NFIA: variants seen among roughly 807,000 people sequenced by gnomAD.
The protein encoded by NFIA is nuclear factor I A.
In NFIA, 8 loss-of-function variants were observed where a neutral mutation model predicts 62.8. That is an observed-to-expected ratio of 0.13 (90% CI 0.07 to 0.23). The LOEUF is 0.23. NFIA is among the 10% of genes least tolerant of loss of function. The pLI is 1.00. For missense variants in NFIA, 410 were observed against 642.1 expected, an observed-to-expected ratio of 0.64 and a Z score of 3.91; for synonymous variants, 235 against 238.1, an observed-to-expected ratio of 0.99 and a Z score of 0.12.
rs138132492 is a variant in NFIA, at chr1:61,406,639, G to A, written c.1332G>A (p.Pro444=). ...TGTTGCCACCGCCACCGCCACCACC[G>A]ATGGCCAGGCCTGTGCCTCTGCCGG... The part of the protein sequence containing the change: ...TPMLPPPPPP[P]MARPVPLPVP... Residue 444 remains proline (P), a synonymous_variant, in exon 9 of 11, where the codon CCG becomes CCA. Coordinates refer to ENST00000403491, the MANE Select transcript of NFIA (RefSeq NM_001134673.4). 146 of 1,398,024 alleles carry A rather than the reference G, an allele frequency of 1.0e-4. No individual in the cohort carries two copies. Among genetic ancestry groups the A allele is most frequent in the African/African-American group, 6.9e-4 (44 of 63,778 alleles). The allele number at this position is 1,398,024 out of a possible 1,614,324, so 86.6% of individuals were successfully genotyped here. A position where few individuals can be genotyped will look rare whatever the true frequency, so the allele number is the denominator to read the frequency against.
At chr1:61,229,028 A>G (rs1654503696) in intron 2 of NFIA, among the ~76,000 whole-genome samples, 2 of 152,138 alleles carry the variant, frequency 1.3e-5, no homozygotes, top group African/African-American at 4.8e-5. Context: ...ATGCAAATAT[A>G]TTGCCCAAAA....
chr1:61,203,967 T>A (rs912011269), intron 2 of NFIA, among the ~76,000 whole-genome samples: 19 of 152,190 alleles, frequency 1.2e-4, no homozygotes, highest in African/African-American at 3.9e-4. Flanking sequence ...TTTAGGTGTG[T>A]GTATGAGCTG....
chr1:61,346,649 A>C (rs1313957850), intron 4 of NFIA, among the ~76,000 whole-genome samples: 1 of 152,098 alleles, frequency 6.6e-6, no homozygotes, highest in Non-Finnish European at 1.5e-5. Flanking sequence ...CTTGGCCTCC[A>C]TTCCCTTCTG....
chr1:61,246,406 T>G (rs764496655), intron 2 of NFIA, among the ~76,000 whole-genome samples: 33 of 152,190 alleles, frequency 2.2e-4, no homozygotes, highest in Admixed American at 3.3e-4. Flanking sequence ...ATACTTAAAA[T>G]GCAACTCTTG....
chr1:61,088,179 C>G lies in NFIA; in HGVS notation c.58C>G (p.Leu20Val), dbSNP rs763981735. Reference sequence around the variant, plus strand: ...ATTTCATCCTTTCATCGAAGCACTTCTGCCCCACGTCCGAGCCTTTGCCTA... The same window carrying G: ...ATTTCATCCTTTCATCGAAGCACTTGTGCCCCACGTCCGAGCCTTTGCCTA... ...DEFHPFIEALLPHVRAFAYTW... is the reference protein window; with the variant it reads ...DEFHPFIEALVPHVRAFAYTW... Residue 20 changes from leucine to valine, a missense_variant, in exon 2 of 11, where the codon CTG becomes GTG. Physicochemically the swap from Leu to Val is conservative, Grantham distance 32. Coordinates refer to ENST00000403491, the MANE Select transcript of NFIA (RefSeq NM_001134673.4). This position sits in a 1 kb window ranked among gnomAD's most constrained non-coding sequence, Gnocchi z 4.5. 8.1e-6 allele frequency: 13 copies of G among 1,612,496 alleles called. No individual in the cohort carries two copies. Among genetic ancestry groups the G allele is most frequent in the Non-Finnish European group, 1.1e-5 (13 of 1,179,490 alleles).
chr1:61,210,082 T>G (rs1258337427), intron 2 of NFIA, among the ~76,000 whole-genome samples: 2 of 152,198 alleles, frequency 1.3e-5, no homozygotes, highest in Non-Finnish European at 2.9e-5. Flanking sequence ...TGTTGTAGGA[T>G]AGAAACTGAT....
At chr1:61,322,582 T>C (rs1464197918) in intron 3 of NFIA, among the ~76,000 whole-genome samples, 2 of 152,104 alleles carry the variant, frequency 1.3e-5, no homozygotes, top group Non-Finnish European at 2.9e-5. Context: ...ATTGTATCAC[T>C]TGCGTTCACT....
At chr1:61,179,465 C>T (rs997383097) in intron 2 of NFIA, among the ~76,000 whole-genome samples, 2 of 152,228 alleles carry the variant, frequency 1.3e-5, no homozygotes, top group African/African-American at 4.8e-5. Flanking sequence ...ATAGCTGCCT[C>T]ACAGGGATCA....
chr1:61,401,578 G>A (rs764577634), intron 7 of NFIA, among the ~76,000 whole-genome samples: 4 of 152,074 alleles, frequency 2.6e-5, no homozygotes, highest in Non-Finnish European at 5.9e-5. Context: ...AGCATTTTCT[G>A]TAGGCCACCG....
In NFIA at chr1:61,367,852, A is replaced by G. The variant is rs540493926; in HGVS notation, c.946+8578A>G. Among the ~76,000 whole-genome samples, 3 of 116,522 alleles carry G rather than the reference A, an allele frequency of 2.6e-5. No homozygotes were observed. The East Asian group carries it at 9.3e-4, about 36-fold the overall frequency. The allele number at this position is 116,522 out of a possible 152,430, so 76.4% of individuals were successfully genotyped here. ...ATACATATATAATAAAGCATGATCC[A>G]GAAAACTGTTTGGATTCCTGAAGCC... On this transcript the variant is annotated intron_variant, in intron 6 of 10. Transcript: ENST00000403491.
At chr1:61,084,297 A>G (rs1646179713) in intron 1 of NFIA, among the ~76,000 whole-genome samples, 1 of 152,170 alleles carries the variant, frequency 6.6e-6, no homozygotes, top group South Asian at 2.1e-4. Context: ...GCAATATCTA[A>G]CAGTAATAAT....
Position 61,287,526 on chromosome 1 carries a change from G to A in NFIA, c.625+9941G>A, listed in dbSNP as rs561755893. ...TGTTCCTAAATAGTTGCCAGATGTA[G>A]CACAATGGTGGCTCACACCTGTAAT... On this transcript the variant is annotated intron_variant, in intron 3 of 10. Coordinates refer to ENST00000403491, the MANE Select transcript of NFIA (RefSeq NM_001134673.4). 1.2e-4 allele frequency among the ~76,000 whole-genome samples: 19 copies of A among 152,080 alleles called. No homozygotes were observed. In the East Asian group the frequency reaches 3.5e-3, roughly 28 times the overall value.
chr1:61,341,133 G>C (rs563192467), intron 4 of NFIA, among the ~76,000 whole-genome samples: 1 of 144,628 alleles, frequency 6.9e-6, no homozygotes, highest in African/African-American at 2.6e-5. Context: ...GCGTGATCTC[G>C]GCTCACTGCA....
intron 2 of NFIA, among the ~76,000 whole-genome samples, chr1:61,262,357 G>A (rs1340082563): frequency 6.6e-6 from 1 of 152,168 alleles, no homozygotes; most frequent in African/African-American, 2.4e-5. Flanking sequence ...TACTACTGGT[G>A]AGATGTTACT....
chr1:61,363,058 A>T (rs1663384851), intron 6 of NFIA, among the ~76,000 whole-genome samples: 1 of 152,222 alleles, frequency 6.6e-6, no homozygotes, highest in African/African-American at 2.4e-5. Context: ...CCAGGTTTTT[A>T]AAAAATTAAC....
intron 3 of NFIA, among the ~76,000 whole-genome samples, chr1:61,284,806 C>A (rs1027854911): frequency 6.6e-6 from 1 of 152,098 alleles, no homozygotes; most frequent in African/African-American, 2.4e-5. Context: ...CACCTCCAAC[C>A]CTTCACACAC....
intron 2 of NFIA, among the ~76,000 whole-genome samples, chr1:61,233,067 C>G (rs1367192644): frequency 6.6e-6 from 1 of 152,144 alleles, no homozygotes; most frequent in East Asian, 1.9e-4. Flanking sequence ...TCTCTGGACT[C>G]TGGAGCACTG....
chr1:61,119,851 G>A (rs188713852), intron 2 of NFIA, among the ~76,000 whole-genome samples: 1 of 152,250 alleles, frequency 6.6e-6, no homozygotes, highest in East Asian at 1.9e-4. Flanking sequence ...TGTATTTAAT[G>A]CTCTTAAATT....
At chr1:61,182,450 A>AT (rs1650820312) in intron 2 of NFIA, among the ~76,000 whole-genome samples, 2 of 152,382 alleles carry the variant, frequency 1.3e-5, no homozygotes, top group South Asian at 4.1e-4. Context: ...AATGAAATTG[A>AT]TGCATGATTT....
Sources: gnomAD v4.1 joint callset for allele counts (sites outside exome capture counted in the v4.1 genomes callset) on GRCh38, gnomAD v4.1.1 for gene constraint, Gnocchi (gnomAD v3.1) non-coding constraint, MANE v1.5 for transcripts, NCBI Gene and HGNC (gene_info 2026-07-23, HGNC 2026-07-21) for gene names.